Variants in NEXMIF observed in about 807,000 individuals in gnomAD.
NEXMIF encodes the protein neurite extension and migration factor.
A neutral mutation model predicts 62.1 loss-of-function variants in NEXMIF; 8 were observed. The observed-to-expected ratio is 0.13, with a 90% confidence interval of 0.08 to 0.23. The LOEUF is 0.23. NEXMIF is among the 10% of genes least tolerant of loss of function. NEXMIF has a pLI of 1.00. For missense variants in NEXMIF, 976 were observed against 1,113.3 expected, an observed-to-expected ratio of 0.88 and a Z score of 1.75; for synonymous variants, 404 against 416.6, an observed-to-expected ratio of 0.97 and a Z score of 0.37.
At chrX:74,871,470 A>G (rs1308721049) in intron 1 of NEXMIF, among the ~76,000 whole-genome samples, 1 of 111,678 alleles carries the variant, frequency 9.0e-6, no homozygotes, top group Non-Finnish European at 1.9e-5. Context: ...ACAGGGTTCG[A>G]GAGCAGACAA....
At chrX:74,842,702 T>G (rs2080477944) in intron 1 of NEXMIF, among the ~76,000 whole-genome samples, 1 of 112,395 alleles carries the variant, frequency 8.9e-6, no homozygotes, top group Non-Finnish European at 1.9e-5. Context: ...AAGAACTTCT[T>G]GACTTCTGTC....
intron 1 of NEXMIF, among the ~76,000 whole-genome samples, chrX:74,858,278 T>C (rs957111974): frequency 8.9e-6 from 1 of 112,226 alleles, no homozygotes; most frequent in Non-Finnish European, 1.9e-5. Flanking sequence ...ACAGAGGTAC[T>C]TGTGTCACCT....
chrX:74,800,977 C>G lies in NEXMIF; in HGVS notation c.-47-55280G>C, dbSNP rs777364586. On this transcript the variant is annotated intron_variant, in intron 1 of 3. Coordinates refer to ENST00000055682, the MANE Select transcript of NEXMIF (RefSeq NM_001008537.3). ...CTCTGTGCTCCACCTACTCATCCCTCTCTCTCTTCCCCCAAAACACCTGGT... is the reference window on the plus strand; with the variant it reads ...CTCTGTGCTCCACCTACTCATCCCTGTCTCTCTTCCCCCAAAACACCTGGT... Among the ~76,000 whole-genome samples, 7 of 111,432 alleles carry G rather than the reference C, an allele frequency of 6.3e-5. No homozygotes were observed. In the East Asian group the frequency reaches 2.0e-3, roughly 32 times the overall value.
At chrX:74,841,460 G>T (rs1370169154) in intron 1 of NEXMIF, among the ~76,000 whole-genome samples, 2 of 111,599 alleles carry the variant, frequency 1.8e-5, no homozygotes, top group Non-Finnish European at 3.8e-5. Flanking sequence ...CTATGTGGAT[G>T]CCTTTTATTT....
At chrX:74,808,720 T>A (rs972252187) in intron 1 of NEXMIF, among the ~76,000 whole-genome samples, 1 of 112,082 alleles carries the variant, frequency 8.9e-6, no homozygotes, top group Non-Finnish European at 1.9e-5. Context: ...TTTGGAAGGT[T>A]AATTGTTGAT....
Position 74,925,415 on chromosome X carries a change from C to T in NEXMIF, c.-580G>A. The T allele has an allele frequency of 1.0e-5, 2 of 196,352 alleles. No homozygotes were observed. The highest frequency in any genetic ancestry group is 2.1e-4 in the East Asian group (1 of 4,853). The allele number at this position is 196,352 out of a possible 1,213,427, so 16.2% of individuals were successfully genotyped here. A position where few individuals can be genotyped will look rare whatever the true frequency, so the allele number is the denominator to read the frequency against. On this transcript the variant is annotated 5_prime_UTR_variant, in exon 1 of 4. Transcript: ENST00000055682. The stretch of plus-strand genomic sequence containing the variant: ...ACTGCTGTGGCGGCGGTGGTGGCGG[C>T]GGCGGCTGCTGCTGCTGCTGCTGAT...
At chrX:74,878,424 G>T (rs765021185) in intron 1 of NEXMIF, among the ~76,000 whole-genome samples, 15 of 112,568 alleles carry the variant, frequency 1.3e-4, no homozygotes, top group Admixed American at 5.6e-4. Context: ...AGTCGGCAGA[G>T]GTTACTGCTG....
Position 74,873,180 on chromosome X carries a change from C to T in NEXMIF, c.-48+51703G>A, listed in dbSNP as rs6647546. On this transcript the variant is annotated intron_variant, in intron 1 of 3. Coordinates refer to ENST00000055682, the MANE Select transcript of NEXMIF (RefSeq NM_001008537.3). ...AACAGTCCCCAGAGTGTGATGTTCC[C>T]CTTCCAGTGTCCATGTGTTCTCATT... is the stretch of plus-strand genomic sequence containing the variant. Among the ~76,000 whole-genome samples, 182 of 109,977 alleles carry T rather than the reference C, an allele frequency of 1.7e-3. No homozygotes were observed. The East Asian group carries it at 0.039, about 24-fold the overall frequency.
At chrX:74,892,999 A>G (rs1262189878) in intron 1 of NEXMIF, among the ~76,000 whole-genome samples, 1 of 112,408 alleles carries the variant, frequency 8.9e-6, no homozygotes, top group Non-Finnish European at 1.9e-5. Flanking sequence ...GGAGCTAGAC[A>G]GTAGTTTTTA....
At chrX:74,782,162 AG>A (rs1285953908) in intron 1 of NEXMIF, among the ~76,000 whole-genome samples, 1 of 111,414 alleles carries the variant, frequency 9.0e-6, no homozygotes, top group African/African-American at 3.3e-5. Context: ...ACTCTCTCTC[AG>A]GAGCTACATT....
At chrX:74,884,383 G>A (rs2080681079) in intron 1 of NEXMIF, among the ~76,000 whole-genome samples, 1 of 111,658 alleles carries the variant, frequency 9.0e-6, no homozygotes, top group African/African-American at 3.3e-5. Context: ...CCATCAGTGT[G>A]CTGTATTCAG....
Position 74,743,613 on chromosome X carries a change from T to G in NEXMIF, c.944A>C (p.Glu315Ala). The change falls in exon 3 of 4, where the codon GAA becomes GCA. Residue 315 changes from glutamate to alanine, a missense_variant. Physicochemically the swap from Glu to Ala is moderately radical, Grantham distance 107. Transcript: ENST00000055682. ...SDVCSLKIRYESFQDNVRDKT... is the reference protein window; with the variant it reads ...SDVCSLKIRYASFQDNVRDKT... ...GTCTCGAACATTGTCCTGAAAGGAT[T>G]CATATCGAATTTTCAGGGAGCAGAC... 8.3e-7 allele frequency: 1 copy of G among 1,211,615 alleles called. No homozygotes were observed. The highest frequency in any genetic ancestry group is 1.1e-6 in the Non-Finnish European group (1 of 895,443).
intron 1 of NEXMIF, among the ~76,000 whole-genome samples, chrX:74,885,452 T>C (rs2147361490): frequency 9.0e-6 from 1 of 111,076 alleles, no homozygotes; most frequent in Admixed American, 9.6e-5. Flanking sequence ...CAATAAAAAA[T>C]GACAAAGGGG....
chrX:74,763,984 G>T (rs899104957), intron 1 of NEXMIF, among the ~76,000 whole-genome samples: 6 of 111,132 alleles, frequency 5.4e-5, no homozygotes, highest in Non-Finnish European at 9.4e-5. Context: ...GATTGCCCTG[G>T]CCAGAATTTC....
intron 1 of NEXMIF, among the ~76,000 whole-genome samples, chrX:74,864,624 A>G (rs768176360): frequency 8.9e-6 from 1 of 111,974 alleles, no homozygotes; most frequent in Admixed American, 9.4e-5. Context: ...TTTGCCTTCC[A>G]CTATGATTGT....
chrX:74,804,643 C>T (rs1443461632), intron 1 of NEXMIF, among the ~76,000 whole-genome samples: 1 of 111,797 alleles, frequency 8.9e-6, no homozygotes, highest in African/African-American at 3.3e-5. Context: ...AAGTCCTTCC[C>T]ACTCTTCCCT....
At chrX:74,748,319 T>G (rs1426342242) in intron 1 of NEXMIF, among the ~76,000 whole-genome samples, 1 of 112,302 alleles carries the variant, frequency 8.9e-6, no homozygotes, top group East Asian at 2.8e-4. Flanking sequence ...AATCCTTTAG[T>G]CCTTTCCTAT....
intron 1 of NEXMIF, among the ~76,000 whole-genome samples, chrX:74,832,333 G>A (rs1015446174): frequency 1.8e-5 from 2 of 111,559 alleles, no homozygotes; most frequent in African/African-American, 6.5e-5. Flanking sequence ...AACATGGTAG[G>A]TTGTATGTGT....
At position 74,743,425 on chromosome X, in the gene NEXMIF, T is replaced by G. The variant is rs61741844; in HGVS notation, c.1132A>C (p.Lys378Gln). The G allele has an allele frequency of 8.3e-7, 1 of 1,209,539 alleles. No homozygotes were observed. The highest frequency in any genetic ancestry group is 1.8e-5 in the African/African-American group (1 of 56,973). Residue 378 changes from lysine to glutamine, a missense_variant, in exon 3 of 4, where the codon AAA (lysine) becomes CAA (glutamine). Around this residue, in one of 5 missense-constraint regions of NEXMIF, gnomAD observed 639 missense variants for 694.5 expected, o/e 0.92. Coordinates refer to ENST00000055682, the MANE Select transcript of NEXMIF (RefSeq NM_001008537.3). ...DVSIIWGEED[K>Q]NLDKKKGKEE... Reference sequence around the variant, plus strand: ...TTGCCTTTCTTCTTGTCCAAGTTTTTATCTTCCTCCCCCCAGATGATGCTC... The same window carrying G: ...TTGCCTTTCTTCTTGTCCAAGTTTTGATCTTCCTCCCCCCAGATGATGCTC...
Sources: gnomAD v4.1 joint callset for allele counts (sites outside exome capture counted in the v4.1 genomes callset) on GRCh38, gnomAD v4.1.1 for gene constraint, gnomAD v4.1.1 regional missense constraint, MANE v1.5 for transcripts, NCBI Gene and HGNC (gene_info 2026-07-23, HGNC 2026-07-21) for gene names.